The following TENM1 variants were observed in gnomAD, a reference collection of about 807,000 sequenced individuals.
TENM1 encodes the protein teneurin-1.
A neutral mutation model predicts 174.8 loss-of-function variants in TENM1; 35 were observed. The ratio of observed to expected loss-of-function variants is 0.20; its 90% CI spans 0.15 to 0.27. TENM1 has a LOEUF of 0.27. Among genes scored for constraint, TENM1 ranks in the 10% least tolerant of loss-of-function variants. The probability of loss-of-function intolerance (pLI) is 1.00; values close to 1 mark genes in which losing one functional copy is unlikely to be tolerated. For missense variants in TENM1, 1,633 were observed against 2,130.1 expected, an observed-to-expected ratio of 0.77 and a Z score of 4.59; for synonymous variants, 781 against 798.7, an observed-to-expected ratio of 0.98 and a Z score of 0.37.
intron 15 of TENM1, among the ~76,000 whole-genome samples, chrX:124,538,368 A>G (rs1288331679): frequency 9.0e-6 from 1 of 111,558 alleles, no homozygotes; most frequent in Non-Finnish European, 1.9e-5. Context: ...GACAAACAGA[A>G]TAACAAGTAA....
At chrX:125,034,888 C>T in the TENM1 span, among the ~76,000 whole-genome samples, 7 of 111,469 alleles carry the variant, frequency 6.3e-5, no homozygotes, top group Admixed American at 1.9e-4. Flanking sequence ...AGCCTGTTTA[C>T]GGGCAAGGAG....
At chrX:125,056,947 G>C in the TENM1 span, among the ~76,000 whole-genome samples, 1 of 110,703 alleles carries the variant, frequency 9.0e-6, no homozygotes, top group Non-Finnish European at 1.9e-5. Context: ...AATAGTCTCT[G>C]GTTTTTCCCC....
At chrX:125,197,251 T>C in the TENM1 span, among the ~76,000 whole-genome samples, 1 of 112,240 alleles carries the variant, frequency 8.9e-6, no homozygotes, top group Non-Finnish European at 1.9e-5. Flanking sequence ...GTGGATTTCC[T>C]TTAATATAAA....
chrX:124,471,673 T>A (rs2061335244), intron 22 of TENM1, among the ~76,000 whole-genome samples: 1 of 86,832 alleles, frequency 1.2e-5, no homozygotes, highest in Admixed American at 1.6e-4. Context: ...GAGTAATATA[T>A]AATATATACT....
intron 6 of TENM1, among the ~76,000 whole-genome samples, chrX:124,660,243 C>T (rs751679792): frequency 8.6e-4 from 94 of 109,656 alleles, no homozygotes; most frequent in African/African-American, 2.8e-3. Context: ...GGCGTGGTGG[C>T]GGGTGCCTGT....
intron 11 of TENM1, among the ~76,000 whole-genome samples, chrX:124,602,574 GTC>G (rs369066665): frequency 3.6e-4 from 40 of 110,800 alleles, no homozygotes; most frequent in African/African-American, 1.2e-3. Context: ...GCTGTTGGGA[GTC>G]TTAGGCAGAA....
intron 3 of TENM1, among the ~76,000 whole-genome samples, chrX:124,760,448 A>T (rs2054379925): frequency 9.0e-6 from 1 of 111,637 alleles, no homozygotes; most frequent in East Asian, 2.8e-4. Context: ...CCCTGGTGAG[A>T]ACTTCCAACA....
At chrX:124,661,254 C>T (rs2051592803) in intron 6 of TENM1, among the ~76,000 whole-genome samples, 1 of 111,715 alleles carries the variant, frequency 9.0e-6, no homozygotes, top group South Asian at 3.8e-4. Context: ...TGCTACACAA[C>T]TCTGAATAGG....
At chrX:124,545,877 TA>T (rs1309850497) in intron 15 of TENM1, among the ~76,000 whole-genome samples, 14 of 108,919 alleles carry the variant, frequency 1.3e-4, no homozygotes, top group African/African-American at 3.3e-4. Flanking sequence ...AACTACACAA[TA>T]AAAAAAAAAT....
At chrX:124,752,990 C>G (rs1033815687) in intron 3 of TENM1, among the ~76,000 whole-genome samples, 7 of 110,722 alleles carry the variant, frequency 6.3e-5, no homozygotes, top group Non-Finnish European at 1.1e-4. Context: ...TTTTTTGGTT[C>G]CATATGAACG....
the TENM1 span, among the ~76,000 whole-genome samples, chrX:125,154,966 C>A: frequency 1.8e-5 from 2 of 111,458 alleles, no homozygotes; most frequent in Non-Finnish European, 3.8e-5. Flanking sequence ...TATTGCAAAG[C>A]GAGAAAGAAC....
chrX:124,431,195 T>A (rs984599041), intron 23 of TENM1, among the ~76,000 whole-genome samples: 1 of 112,541 alleles, frequency 8.9e-6, no homozygotes, highest in African/African-American at 3.2e-5. Context: ...TACTATATTT[T>A]ACAATTGTCA....
Position 124,481,967 on chromosome X carries a change from A to G in TENM1, c.3717-3T>C. On this transcript the variant is annotated splice_region_variant and splice_polypyrimidine_tract_variant and intron_variant, in intron 21 of 31. Coordinates refer to ENST00000422452, the Ensembl canonical transcript of TENM1. ...AGTATTTGTGAGCAGGACTTGTGCT[A>G]AGGAAGAGAAAAGTAAAGTTATTCA... The G allele has an allele frequency of 8.8e-7, 1 of 1,137,506 alleles. No homozygotes were observed. Among genetic ancestry groups the G allele is most frequent in the Non-Finnish European group, 1.2e-6 (1 of 841,881 alleles). The allele number at this position is 1,137,506 out of a possible 1,213,427, so 93.7% of individuals were successfully genotyped here. A position where few individuals can be genotyped will look rare whatever the true frequency, so the allele number is the denominator to read the frequency against.
chrX:124,964,482 G>T (rs2058700333), upstream of TENM1, among the ~76,000 whole-genome samples: 1 of 111,503 alleles, frequency 9.0e-6, no homozygotes, highest in African/African-American at 3.3e-5. Context: ...CACTTCTGGT[G>T]AGTATACTGG....
intron 4 of TENM1, among the ~76,000 whole-genome samples, chrX:124,708,700 G>T (rs2052970615): frequency 9.0e-6 from 1 of 111,302 alleles, no homozygotes; most frequent in East Asian, 2.8e-4. Flanking sequence ...CTTCAAAAGA[G>T]TATGGGCAAC....
At chrX:124,656,646 C>T (rs1029450612) in intron 6 of TENM1, among the ~76,000 whole-genome samples, 1 of 111,864 alleles carries the variant, frequency 8.9e-6, no homozygotes, top group African/African-American at 3.3e-5. Flanking sequence ...AGATATTTCC[C>T]TGTTAGCAAT....
At chrX:124,608,893 T>C (rs1469392010) in intron 11 of TENM1, among the ~76,000 whole-genome samples, 1 of 109,818 alleles carries the variant, frequency 9.1e-6, no homozygotes, top group Non-Finnish European at 1.9e-5. Flanking sequence ...GTATAAAAAA[T>C]ACACACCCAT....
At chrX:124,777,089 T>A (rs189078918) in intron 3 of TENM1, among the ~76,000 whole-genome samples, 46 of 110,988 alleles carry the variant, frequency 4.1e-4, no homozygotes, top group African/African-American at 1.4e-3. Flanking sequence ...CTCCTTCTCA[T>A]GTTTCCTCCC....
chrX:125,173,211 T>C, the TENM1 span, among the ~76,000 whole-genome samples: 1 of 111,616 alleles, frequency 9.0e-6, no homozygotes, highest in Non-Finnish European at 1.9e-5. Flanking sequence ...GGTGTCCAAG[T>C]AGAATCATGT....
Sources: gnomAD v4.1 joint callset for allele counts (sites outside exome capture counted in the v4.1 genomes callset) on GRCh38, gnomAD v4.1.1 for gene constraint, MANE v1.5 for transcripts, NCBI Gene and HGNC (gene_info 2026-07-23, HGNC 2026-07-21) for gene names.